Variants in UGT2B7 observed in about 807,000 individuals in gnomAD.
UGT2B7 encodes the protein UDP-glucuronosyltransferase 2B7.
Under a neutral mutation model 51.9 loss-of-function variants are expected in UGT2B7, and 51 were observed. The ratio of observed to expected loss-of-function variants is 0.98; its 90% CI spans 0.78 to 1.24. The LOEUF (loss-of-function observed/expected upper bound fraction) is 1.24. Among genes scored for constraint, UGT2B7 ranks in the 50% most tolerant of loss-of-function variants. UGT2B7 has a pLI of 0.00. For synonymous variants in UGT2B7, 225 were observed against 211.6 expected (o/e 1.06, Z -0.55); for missense variants, 727 against 628.4 (o/e 1.16, Z -1.68).
At chr4:69,064,112 A>AAAGAAAGAAAG (rs1718434307) in intron 1 of UGT2B7, among the ~76,000 whole-genome samples, 14 of 86,818 alleles carry the variant, frequency 1.6e-4, no homozygotes, top group African/African-American at 8.5e-4. Flanking sequence ...GAAAGAAAGA[A>AAAGAAAGAAAG]AAAGAAAGAA....
chr4:69,079,198 T>C (rs59314351), intron 1 of UGT2B7, among the ~76,000 whole-genome samples: 22,910 of 152,126 alleles, frequency 0.15, 2,043 homozygotes, highest in Admixed American at 0.27. Context: ...CATCAGGGTG[T>C]TTCCTGGGAC....
intron 1 of UGT2B7, among the ~76,000 whole-genome samples, chr4:69,057,289 T>C (rs1197029624): frequency 1.3e-5 from 2 of 152,128 alleles, no homozygotes; most frequent in South Asian, 4.1e-4. Context: ...AAGCCCTTCC[T>C]TCTACAACTC....
rs765106209 is a variant in UGT2B7 at position 69,098,689 on chromosome 4, G to A, written c.870+1G>A. The A allele has an allele frequency of 6.2e-7, 1 of 1,606,184 alleles. No individual in the cohort carries two copies. The highest frequency in any genetic ancestry group is 1.3e-5 in the African/African-American group (1 of 74,130). Reference sequence around the variant, plus strand: ...CAAACCTGCCAAACCCCTGCCTAAGGTAAACATACTTTTGTTGGTTTTATT... The same window carrying A: ...CAAACCTGCCAAACCCCTGCCTAAGATAAACATACTTTTGTTGGTTTTATT... On this transcript the variant is annotated splice_donor_variant, in intron 2 of 5. Coordinates refer to ENST00000305231, the MANE Select transcript of UGT2B7 (RefSeq NM_001074.4). LOFTEE classifies it high-confidence loss of function.
At position 69,108,202 on chromosome 4, in the gene UGT2B7, C is replaced by T. The variant is rs563256432; in HGVS notation, c.1190C>T (p.Ala397Val). The T allele has an allele frequency of 2.5e-6, 4 of 1,613,738 alleles. No homozygotes were observed. The highest frequency in any genetic ancestry group is 1.1e-5 in the South Asian group (1 of 91,046). The change falls in exon 5 of 6, where the codon GCC becomes GTC. Residue 397 changes from alanine (A) to valine (V), a missense_variant. Coordinates refer to ENST00000305231, the MANE Select transcript of UGT2B7 (RefSeq NM_001074.4). Reference sequence around the variant, plus strand: ...CCTATGGTGGGGATTCCATTGTTTGCCGATCAACCTGATAACATTGCTCAC... The same window carrying T: ...CCTATGGTGGGGATTCCATTGTTTGTCGATCAACCTGATAACATTGCTCAC... The part of the protein sequence containing the change: ...GIPMVGIPLF[A>V]DQPDNIAHMK...
At chr4:69,100,220 CAG>C (rs1398703120) in intron 2 of UGT2B7, among the ~76,000 whole-genome samples, 1 of 151,956 alleles carries the variant, frequency 6.6e-6, no homozygotes, top group African/African-American at 2.4e-5. Flanking sequence ...CACAGAAGCA[CAG>C]AGATAATGAA....
chr4:69,082,783 A>T (rs1365401371), intron 1 of UGT2B7, among the ~76,000 whole-genome samples: 1 of 152,146 alleles, frequency 6.6e-6, no homozygotes, highest in East Asian at 1.9e-4. Flanking sequence ...GATGATGGTG[A>T]TTACACTAAA....
intron 1 of UGT2B7, among the ~76,000 whole-genome samples, chr4:69,085,101 T>TC (rs1332760717): frequency 6.6e-6 from 1 of 152,172 alleles, no homozygotes; most frequent in Non-Finnish European, 1.5e-5. Flanking sequence ...GTAAAAGCAT[T>TC]CCTATTTCTC....
chr4:69,057,896 C>T (rs1276280643), intron 1 of UGT2B7, among the ~76,000 whole-genome samples: 1 of 152,140 alleles, frequency 6.6e-6, no homozygotes, highest in African/African-American at 2.4e-5. Flanking sequence ...GCCAAATGTA[C>T]TTATAGATAG....
At chr4:69,080,446 A>G (rs961643275) in intron 1 of UGT2B7, among the ~76,000 whole-genome samples, 27 of 151,770 alleles carry the variant, frequency 1.8e-4, no homozygotes, top group Non-Finnish European at 2.9e-5. Context: ...TACTCAGGAG[A>G]CTAAGGCACA....
chr4:69,094,240 T>C (rs544388801), upstream of UGT2B7, among the ~76,000 whole-genome samples: 45 of 46,594 alleles, frequency 9.7e-4, 14 homozygotes, highest in East Asian at 0.026. Context: ...CCCGGGTTCA[T>C]GCCATTCTCC....
intron 1 of UGT2B7, among the ~76,000 whole-genome samples, chr4:69,072,913 T>A (rs1417610997): frequency 6.6e-6 from 1 of 152,202 alleles, no homozygotes; most frequent in African/African-American, 2.4e-5. Context: ...AGACACTGAA[T>A]CTTGGCAAAA....
chr4:69,059,761 C>A (rs182645949), intron 1 of UGT2B7, among the ~76,000 whole-genome samples: 1 of 152,210 alleles, frequency 6.6e-6, no homozygotes. Flanking sequence ...TGGAACACCC[C>A]TCTCTTGCCA....
At chr4:69,100,495 A>G (rs1326392824) in intron 2 of UGT2B7, among the ~76,000 whole-genome samples, 1 of 152,052 alleles carries the variant, frequency 6.6e-6, no homozygotes, top group Non-Finnish European at 1.5e-5. Flanking sequence ...TTAAAACTCA[A>G]TATCTATGTT....
At chr4:69,088,670 G>A (rs1288850146) in intron 1 of UGT2B7, among the ~76,000 whole-genome samples, 2 of 152,078 alleles carry the variant, frequency 1.3e-5, no homozygotes, top group East Asian at 1.9e-4. Context: ...ACTCCTCAGC[G>A]TGGCATTCCT....
chr4:69,068,495 T>C (rs1371832120), intron 1 of UGT2B7, among the ~76,000 whole-genome samples: 1 of 152,086 alleles, frequency 6.6e-6, no homozygotes, highest in Non-Finnish European at 1.5e-5. Context: ...TTTTAGTGCA[T>C]ACATTAATTT....
intron 1 of UGT2B7, among the ~76,000 whole-genome samples, chr4:69,084,440 G>A (rs1228474543): frequency 2.0e-5 from 3 of 151,446 alleles, no homozygotes; most frequent in African/African-American, 7.3e-5. Context: ...AAAATATTTG[G>A]GAAAAAATGG....
At position 69,112,788 on chromosome 4, in the gene UGT2B7, T is replaced by G. The variant is rs1168643718; in HGVS notation, c.*52T>G. 1.3e-6 allele frequency: 2 copies of G among 1,565,020 alleles called. No homozygotes were observed. The highest frequency in any genetic ancestry group is 2.8e-5 in the African/African-American group (2 of 72,184). On this transcript the variant is annotated 3_prime_UTR_variant, in exon 6 of 6. Transcript: ENST00000305231. ...ACCTGATAGGTGAGACTACTTCAGTTTATTCCAGCAAGAAAGATTGTGATG... is the reference window on the plus strand; with the variant it reads ...ACCTGATAGGTGAGACTACTTCAGTGTATTCCAGCAAGAAAGATTGTGATG...
At chr4:69,083,072 C>G (rs1041976544) in intron 1 of UGT2B7, among the ~76,000 whole-genome samples, 2 of 152,056 alleles carry the variant, frequency 1.3e-5, no homozygotes, top group African/African-American at 4.8e-5. Context: ...TAGATGACAG[C>G]ACATATTTTA....
chr4:69,112,659 A>C lies in UGT2B7; in HGVS notation c.1513A>C (p.Ile505Leu). ...GFLLVCVATV[I>L]FIVTKCCLFC... Reference sequence around the variant, plus strand: ...CCTGCTGGTCTGTGTGGCAACTGTGATATTTATCGTCACAAAATGTTGTCT... The same window carrying C: ...CCTGCTGGTCTGTGTGGCAACTGTGCTATTTATCGTCACAAAATGTTGTCT... Residue 505 changes from isoleucine (I) to leucine (L), a missense_variant, in exon 6 of 6, where the codon ATA (isoleucine) becomes CTA (leucine). Physicochemically the swap from Ile to Leu is conservative, Grantham distance 5. Transcript: ENST00000305231. The C allele has an allele frequency of 6.2e-7, 1 of 1,613,878 alleles. No individual in the cohort carries two copies. The highest frequency in any genetic ancestry group is 2.2e-5 in the East Asian group (1 of 44,866).
Sources: allele counts gnomAD v4.1 joint callset (sites outside exome capture counted in the v4.1 genomes callset), GRCh38; gene constraint gnomAD v4.1.1; transcripts MANE v1.5; gene names NCBI Gene and HGNC (gene_info 2026-07-23, HGNC 2026-07-21).